Variants in MINDY2 observed in about 807,000 individuals in gnomAD.
The protein encoded by MINDY2 is ubiquitin carboxyl-terminal hydrolase MINDY-2.
In MINDY2, 52 loss-of-function variants were observed where a neutral mutation model predicts 68.2. The ratio of observed to expected loss-of-function variants is 0.76; its 90% CI spans 0.61 to 0.96. MINDY2 has a LOEUF of 0.96. Among genes scored for constraint, MINDY2 ranks in the 40% least tolerant of loss-of-function variants. The probability of loss-of-function intolerance (pLI) is 0.00; values close to 1 mark genes in which losing one functional copy is unlikely to be tolerated. For synonymous variants in MINDY2, 372 were observed against 303.0 expected, an observed-to-expected ratio of 1.23 and a Z score of -2.36; for missense variants, 881 against 773.4, an observed-to-expected ratio of 1.14 and a Z score of -1.65.
chr15:58,795,468 C>T (rs945919046), intron 2 of MINDY2, among the ~76,000 whole-genome samples: 1 of 152,026 alleles, frequency 6.6e-6, no homozygotes, highest in Non-Finnish European at 1.5e-5. Flanking sequence ...TGCAGTGGCG[C>T]GATCTCAGCT....
In MINDY2 at chr15:58,771,744, G is replaced by A; in HGVS notation, c.349G>A (p.Ala117Thr). 6.2e-7 allele frequency: 1 copy of A among 1,611,670 alleles called. No homozygotes were observed. Among genetic ancestry groups the A allele is most frequent in the East Asian group, 2.2e-5 (1 of 44,836 alleles). ...KVTASPETAV[A>T]GVGHELGTAG... Reference sequence around the variant, plus strand: ...GACCGCCTCCCCGGAGACAGCCGTGGCCGGAGTGGGTCATGAGTTGGGTAC... The same window carrying A: ...GACCGCCTCCCCGGAGACAGCCGTGACCGGAGTGGGTCATGAGTTGGGTAC... Residue 117 changes from alanine to threonine, a missense_variant, in exon 1 of 9, where the codon GCC becomes ACC. Coordinates refer to ENST00000559228, the MANE Select transcript of MINDY2 (RefSeq NM_001040450.3).
At chr15:58,777,865 A>G (rs2095484185) in intron 1 of MINDY2, among the ~76,000 whole-genome samples, 1 of 152,078 alleles carries the variant, frequency 6.6e-6, no homozygotes, top group Non-Finnish European at 1.5e-5. Flanking sequence ...TCAAATTACA[A>G]ATTATACCAG....
intron 8 of MINDY2, among the ~76,000 whole-genome samples, 197 bp from the exon 9 acceptor site, chr15:58,854,285 A>G (rs902657226): frequency 1.7e-4 from 26 of 152,126 alleles, no homozygotes; most frequent in African/African-American, 6.0e-4. Context: ...ATTCAGAATA[A>G]TGAATACATT....
chr15:58,795,441 T>C (rs1400778917), intron 2 of MINDY2, among the ~76,000 whole-genome samples: 3 of 152,130 alleles, frequency 2.0e-5, no homozygotes, highest in African/African-American at 7.2e-5. Context: ...AGTCTTGCTC[T>C]GTTGCCCAGG....
At chr15:58,844,102 C>G (rs2032408554) in intron 6 of MINDY2, among the ~76,000 whole-genome samples, 1 of 152,054 alleles carries the variant, frequency 6.6e-6, no homozygotes, top group African/African-American at 2.4e-5. Flanking sequence ...ACTGCATAAT[C>G]TAGCAAAAGT....
At chr15:58,824,025 A>T (rs1275932734) in intron 5 of MINDY2, among the ~76,000 whole-genome samples, 1 of 152,212 alleles carries the variant, frequency 6.6e-6, no homozygotes, top group African/African-American at 2.4e-5. Context: ...TGAAGGAACA[A>T]TAGGATTCAG....
intron 7 of MINDY2, among the ~76,000 whole-genome samples, chr15:58,850,289 A>C (rs1424239494): frequency 2.3e-4 from 35 of 152,198 alleles, no homozygotes; most frequent in Admixed American, 2.3e-3. Flanking sequence ...TTGGCTTTAA[A>C]AGTCATCTTT....
rs1234167010 is a variant in MINDY2 at position 58,860,718 on chromosome 15, A to T, written c.*6108A>T. 6.6e-6 allele frequency: 1 copy of T among 152,200 alleles called. No individual in the cohort carries two copies. The highest frequency in any genetic ancestry group is 1.5e-5 in the Non-Finnish European group (1 of 68,036). The allele number at this position is 152,200 out of a possible 1,614,324, so 9.4% of individuals were successfully genotyped here. A position where few individuals can be genotyped will look rare whatever the true frequency, so the allele number is the denominator to read the frequency against. The stretch of plus-strand genomic sequence containing the variant: ...GCAATGTGTTTTTTAAAAATTTTTA[A>T]TGAACCTTACATTGTGAACATAATT... On this transcript the variant is annotated 3_prime_UTR_variant, in exon 9 of 9. Transcript: ENST00000559228.
chr15:58,853,078 A>G (rs959095743), intron 8 of MINDY2, among the ~76,000 whole-genome samples: 1 of 150,594 alleles, frequency 6.6e-6, no homozygotes, highest in African/African-American at 2.4e-5. Flanking sequence ...TCAGCCTCCC[A>G]AGTAGCTGGG....
In MINDY2 at chr15:58,771,895, C is replaced by T; in HGVS notation, c.500C>T (p.Pro167Leu). ...LSSSCSDPSP[P>L]GESPSLDSLE... ...AGCAGTTGCAGCGACCCGAGCCCTCCTGGGGAATCTCCGAGCCTGGACTCT... is the reference window on the plus strand; with the variant it reads ...AGCAGTTGCAGCGACCCGAGCCCTCTTGGGGAATCTCCGAGCCTGGACTCT... Residue 167 changes from proline (P) to leucine (L), a missense_variant, in exon 1 of 9, where the codon CCT (proline) becomes CTT (leucine). Transcript: ENST00000559228. 6.4e-7 allele frequency: 1 copy of T among 1,564,580 alleles called. No individual in the cohort carries two copies. The highest frequency in any genetic ancestry group is 8.6e-7 in the Non-Finnish European group (1 of 1,157,490).
At position 58,790,961 on chromosome 15, in the gene MINDY2, T is replaced by C. The variant is rs1370165461; in HGVS notation, c.898+2998T>C. Reference sequence around the variant, plus strand: ...TTGGGAGGCCGAGGCAGGCAGATCATGAGGTCAGGAGATCGAGACCATACT... The same window carrying C: ...TTGGGAGGCCGAGGCAGGCAGATCACGAGGTCAGGAGATCGAGACCATACT... On this transcript the variant is annotated intron_variant, in intron 2 of 8. Transcript: ENST00000559228. 4.0e-5 allele frequency among the ~76,000 whole-genome samples: 6 copies of C among 151,754 alleles called. No individual in the cohort carries two copies. In the South Asian group the frequency reaches 8.4e-4, roughly 21 times the overall value.
intron 2 of MINDY2, among the ~76,000 whole-genome samples, chr15:58,794,009 G>A (rs1211474444): frequency 3.3e-5 from 5 of 152,060 alleles, no homozygotes; most frequent in Non-Finnish European, 2.9e-5. Flanking sequence ...ATAATGGGAG[G>A]CCAGGATTTA....
At chr15:58,790,075 G>A (rs913327441) in intron 2 of MINDY2, among the ~76,000 whole-genome samples, 3 of 152,070 alleles carry the variant, frequency 2.0e-5, no homozygotes, top group Non-Finnish European at 1.5e-5. Context: ...CACTGCACCC[G>A]GCAGGAAGAC....
intron 4 of MINDY2, among the ~76,000 whole-genome samples, chr15:58,814,083 G>A (rs2030505093): frequency 1.3e-5 from 2 of 151,304 alleles, no homozygotes; most frequent in East Asian, 2.0e-4. Context: ...GATTACAGGC[G>A]CCCACCACCA....
intron 6 of MINDY2, among the ~76,000 whole-genome samples, chr15:58,840,042 C>T (rs2141039999): frequency 6.6e-6 from 1 of 152,178 alleles, no homozygotes; most frequent in African/African-American, 2.4e-5. Context: ...TCATATTGCC[C>T]AGCCTAGTCT....
intron 3 of MINDY2, among the ~76,000 whole-genome samples, chr15:58,809,302 C>T (rs1435483489): frequency 6.6e-6 from 1 of 152,096 alleles, no homozygotes; most frequent in Admixed American, 6.6e-5. Flanking sequence ...CTCTAAATAT[C>T]TCATATAAGT....
chr15:58,805,704 G>A (rs1318267646), intron 3 of MINDY2, among the ~76,000 whole-genome samples: 3 of 152,142 alleles, frequency 2.0e-5, no homozygotes, highest in African/African-American at 7.2e-5. Context: ...TAGGAACAAA[G>A]TGGCAAAATA....
At chr15:58,774,496 A>G (rs1285321745) in intron 1 of MINDY2, among the ~76,000 whole-genome samples, 1 of 151,676 alleles carries the variant, frequency 6.6e-6, no homozygotes, top group African/African-American at 2.4e-5. Context: ...AAAAAAGAAA[A>G]AAAAAAAAAA....
rs1444878979 is a variant in MINDY2, at chr15:58,857,132, T to A, written c.*2522T>A. 3 of 152,220 alleles carry A rather than the reference T, an allele frequency of 2.0e-5. No homozygotes were observed. The highest frequency in any genetic ancestry group is 4.4e-5 in the Non-Finnish European group (3 of 68,038). 9.4% of individuals were successfully genotyped at this position (152,220 alleles called of 1,614,324 possible). On this transcript the variant is annotated 3_prime_UTR_variant, in exon 9 of 9. Transcript: ENST00000559228. ...CTTACATTCCTGGAATTTACTTTGATATACCAAGAATAATAATGATAAAAT... is the reference window on the plus strand; with the variant it reads ...CTTACATTCCTGGAATTTACTTTGAAATACCAAGAATAATAATGATAAAAT...
Sources: allele counts gnomAD v4.1 joint callset (sites outside exome capture counted in the v4.1 genomes callset), GRCh38; gene constraint gnomAD v4.1.1; transcripts MANE v1.5; gene names NCBI Gene and HGNC (gene_info 2026-07-23, HGNC 2026-07-21).